The following PCDHGA8 variants were observed in gnomAD, a reference collection of about 807,000 sequenced individuals.
PCDHGA8 encodes the protein protocadherin gamma-A8.
Under a neutral mutation model 59.2 loss-of-function variants are expected in PCDHGA8, and 45 were observed. The ratio of observed to expected loss-of-function variants is 0.76; its 90% CI spans 0.60 to 0.98. The LOEUF (loss-of-function observed/expected upper bound fraction) is 0.98, where lower values mean the gene tolerates loss of function less well. Ranked by LOEUF, PCDHGA8 falls within the 50% of genes least tolerant of loss-of-function variation. The pLI, the probability that PCDHGA8 is intolerant of heterozygous loss-of-function variation, is 0.00. For missense variants in PCDHGA8, 1,257 were observed against 1,196.2 expected (o/e 1.05, Z -0.75); for synonymous variants, 531 against 519.0 (o/e 1.02, Z -0.32).
In PCDHGA8 at chr5:141,418,134, G is replaced by A. The variant is rs367774534; in HGVS notation, c.2424+22897G>A. ...TTACTTGTGAAGGACCGAATAGACC[G>A]TGAGCAAATATGCAAAGAGAGAAGA... On this transcript the variant is annotated intron_variant, in intron 1 of 3. Transcript: ENST00000398604. The A allele has an allele frequency of 3.1e-6, 5 of 1,613,970 alleles. No individual in the cohort carries two copies. In the African/African-American group the frequency reaches 4.0e-5, roughly 13 times the overall value.
In PCDHGA8 at chr5:141,432,887, T is replaced by G. The variant is rs146168033; in HGVS notation, c.2424+37650T>G. 2.8e-4 allele frequency: 451 copies of G among 1,614,156 alleles called. No individual in the cohort carries two copies. In the African/African-American group the frequency reaches 4.6e-3, roughly 17 times the overall value. ...CTGCGTCTTCCTGGCCTTCGTCATC[T>G]TGCTGCTGGCGCTCAGGCTGCGGCG... is the stretch of plus-strand genomic sequence containing the variant. On this transcript the variant is annotated intron_variant, in intron 1 of 3. Transcript: ENST00000398604. The surrounding 1 kb of genome is among the most constrained non-coding windows in gnomAD (Gnocchi z 6.0).
intron 1 of PCDHGA8, chr5:141,417,686 G>A (rs1300052006): frequency 8.4e-6 from 9 of 1,068,196 alleles, no homozygotes; most frequent in South Asian, 1.8e-5. Context: ...CAACAGAAAA[G>A]AAAACCAGCT....
intron 2 of PCDHGA8, among the ~76,000 whole-genome samples, chr5:141,503,275 C>T (rs1466636672): frequency 1.3e-5 from 2 of 152,108 alleles, no homozygotes; most frequent in Non-Finnish European, 2.9e-5. Context: ...GCACCTGGCT[C>T]TGTGTCTGGT....
rs1340692426 is a variant in PCDHGA8 at position 141,485,025 on chromosome 5, A to C, written c.2425-9782A>C. ...CAAATCTACCCCGCCACCAGCAAAAACGGCGCGTAACCCTTGCGGCGCCGG... is the reference window on the plus strand; with the variant it reads ...CAAATCTACCCCGCCACCAGCAAAACCGGCGCGTAACCCTTGCGGCGCCGG... On this transcript the variant is annotated intron_variant, in intron 1 of 3. Transcript: ENST00000398604. This position sits in a 1 kb window ranked among gnomAD's most constrained non-coding sequence, Gnocchi z 5.7. 2 of 657,796 alleles carry C rather than the reference A, an allele frequency of 3.0e-6. No homozygotes were observed. The highest frequency in any genetic ancestry group is 5.4e-6 in the Non-Finnish European group (2 of 369,210). The allele number at this position is 657,796 out of a possible 1,614,324, so 40.7% of individuals were successfully genotyped here.
chr5:141,465,968 A>G (rs2099113507), intron 1 of PCDHGA8, among the ~76,000 whole-genome samples: 3 of 151,940 alleles, frequency 2.0e-5, no homozygotes, highest in Admixed American at 6.6e-5. Flanking sequence ...TAAAAATACA[A>G]AAAATTAGCC....
Position 141,486,320 on chromosome 5 carries a change from G to A in PCDHGA8, c.2425-8487G>A, listed in dbSNP as rs764851576. The stretch of plus-strand genomic sequence containing the variant: ...GCAGGATCCAGACTCAGGGTCAAAC[G>A]GAGATGTGAGCCTCCGCATTCCTGA... On this transcript the variant is annotated intron_variant, in intron 1 of 3. Coordinates refer to ENST00000398604, the MANE Select transcript of PCDHGA8 (RefSeq NM_032088.2). This position sits in a 1 kb window ranked among gnomAD's most constrained non-coding sequence, Gnocchi z 5.0. The A allele has an allele frequency of 6.2e-7, 1 of 1,614,010 alleles. No individual in the cohort carries two copies. Among genetic ancestry groups the A allele is most frequent in the South Asian group, 1.1e-5 (1 of 91,060 alleles).
At chr5:141,408,765 G>A (rs1276364659) in intron 1 of PCDHGA8, 1 of 1,611,036 alleles carries the variant, frequency 6.2e-7, no homozygotes, top group East Asian at 2.2e-5. Context: ...AATTCCGATG[G>A]TGGCAAATAC....
At chr5:141,444,152 A>ATTTTTTTTTTTTTTTTT (rs747671382) in intron 1 of PCDHGA8, among the ~76,000 whole-genome samples, 1 of 33,898 alleles carries the variant, frequency 3.0e-5, no homozygotes, top group African/African-American at 1.4e-4. Context: ...TGTGTACTGG[A>ATTTTTTTTTTTTTTTTT]TTTTTTTTTT....
At chr5:141,427,294 AT>A (rs2097012877) in intron 1 of PCDHGA8, 1 of 456,758 alleles carries the variant, frequency 2.2e-6, no homozygotes, top group Non-Finnish European at 4.4e-6. Flanking sequence ...GAAATCCTAG[AT>A]GAGAATGACA....
chr5:141,490,051 G>A lies in PCDHGA8; in HGVS notation c.2425-4756G>A, dbSNP rs779280988. The A allele has an allele frequency of 6.2e-6, 10 of 1,614,094 alleles. No homozygotes were observed. Among genetic ancestry groups the A allele is most frequent in the Admixed American group, 5.0e-5 (3 of 60,012 alleles). ...CCGCCTCAATGCCACTGATCCAGAC[G>A]AGGGCACCAACGGCCAACTAGACTA... On this transcript the variant is annotated intron_variant, in intron 1 of 3. Coordinates refer to ENST00000398604, the MANE Select transcript of PCDHGA8 (RefSeq NM_032088.2). The surrounding 1 kb of genome is among the most constrained non-coding windows in gnomAD (Gnocchi z 5.4).
chr5:141,451,069 C>G (rs2098705799), intron 1 of PCDHGA8, among the ~76,000 whole-genome samples: 1 of 151,836 alleles, frequency 6.6e-6, no homozygotes, highest in Non-Finnish European at 1.5e-5. Flanking sequence ...ACCTTGTGAT[C>G]CACCCACCTT....
At position 141,432,204 on chromosome 5, in the gene PCDHGA8, A is replaced by G. The variant is rs1204867610; in HGVS notation, c.2424+36967A>G. On this transcript the variant is annotated intron_variant, in intron 1 of 3. Coordinates refer to ENST00000398604, the MANE Select transcript of PCDHGA8 (RefSeq NM_032088.2). This position sits in a 1 kb window ranked among gnomAD's most constrained non-coding sequence, Gnocchi z 6.0. ...GTGACCGCCCACGACCCCGACTGTG[A>G]AGAGAACGCCCAGATCACTTATTCC... 1.9e-6 allele frequency: 3 copies of G among 1,614,070 alleles called. No homozygotes were observed. Among genetic ancestry groups the G allele is most frequent in the African/African-American group, 2.7e-5 (2 of 74,928 alleles).
intron 3 of PCDHGA8, among the ~76,000 whole-genome samples, chr5:141,509,722 C>A (rs919655821): frequency 5.9e-5 from 9 of 152,140 alleles, no homozygotes; most frequent in African/African-American, 2.2e-4. Flanking sequence ...CTGATGTCAC[C>A]TAGCTGTGGC....
chr5:141,408,287 C>G (rs2095075582), intron 1 of PCDHGA8: 1 of 1,613,354 alleles, frequency 6.2e-7, no homozygotes, highest in African/African-American at 1.3e-5. Flanking sequence ...CTACCCCACC[C>G]TGAGTGAGCC....
At position 141,476,247 on chromosome 5, in the gene PCDHGA8, G is replaced by C. The variant is rs1439421662; in HGVS notation, c.2425-18560G>C. 1 of 1,614,042 alleles carries C rather than the reference G, an allele frequency of 6.2e-7. No individual in the cohort carries two copies. Among genetic ancestry groups the C allele is most frequent in the Non-Finnish European group, 8.5e-7 (1 of 1,180,010 alleles). ...GAGATCCCGGAGGAAAGAGAGAAGG[G>C]TTTCGCTGTGGGCAACGTGGTCGCG... On this transcript the variant is annotated intron_variant, in intron 1 of 3. Coordinates refer to ENST00000398604, the MANE Select transcript of PCDHGA8 (RefSeq NM_032088.2). The surrounding 1 kb of genome is among the most constrained non-coding windows in gnomAD (Gnocchi z 7.6).
At position 141,476,453 on chromosome 5, in the gene PCDHGA8, G is replaced by A. The variant is rs1432113874; in HGVS notation, c.2425-18354G>A. 3 of 1,614,138 alleles carry A rather than the reference G, an allele frequency of 1.9e-6. No individual in the cohort carries two copies. The East Asian group carries it at 6.7e-5, about 36-fold the overall frequency. ...CACTGTAACTCTGGAGTTGGTAGTG[G>A]AGAACCCGCTGGAGCTGTTCAGCGT... On this transcript the variant is annotated intron_variant, in intron 1 of 3. Transcript: ENST00000398604. The surrounding 1 kb of genome is among the most constrained non-coding windows in gnomAD (Gnocchi z 7.6).
chr5:141,497,614 A>G (rs1377740795), intron 2 of PCDHGA8, among the ~76,000 whole-genome samples: 1 of 146,530 alleles, frequency 6.8e-6, no homozygotes, highest in Admixed American at 7.0e-5. Context: ...ATCTTGGCTC[A>G]CTGCAACCTC....
Position 141,417,739 on chromosome 5 carries a change from C to G in PCDHGA8, c.2424+22502C>G, listed in dbSNP as rs1002260902. On this transcript the variant is annotated intron_variant, in intron 1 of 3. Transcript: ENST00000398604. The stretch of plus-strand genomic sequence containing the variant: ...GGCTGCGCAGACCTTGCCCAGCACA[C>G]CAGATTGCCAGCTCCGAGACCCGGG... 1.6e-5 allele frequency: 22 copies of G among 1,411,706 alleles called. No homozygotes were observed. In the African/African-American group the frequency reaches 1.7e-4, roughly 11 times the overall value. The allele number at this position is 1,411,706 out of a possible 1,614,324, so 87.4% of individuals were successfully genotyped here.
At chr5:141,466,054 G>A (rs2099115921) in intron 1 of PCDHGA8, among the ~76,000 whole-genome samples, 1 of 152,080 alleles carries the variant, frequency 6.6e-6, no homozygotes, top group Non-Finnish European at 1.5e-5. Context: ...CCCAGGAGAC[G>A]GAGCTTGCAG....
Sources: gnomAD v4.1 joint callset for allele counts (sites outside exome capture counted in the v4.1 genomes callset) on GRCh38, gnomAD v4.1.1 for gene constraint, Gnocchi (gnomAD v3.1) non-coding constraint, MANE v1.5 for transcripts, NCBI Gene and HGNC (gene_info 2026-07-23, HGNC 2026-07-21) for gene names.